Variants in C19orf47 observed in about 807,000 individuals in gnomAD.
C19orf47 encodes chromosome 19 open reading frame 47, also known as uncharacterized protein C19orf47.
A neutral mutation model predicts 32.3 loss-of-function variants in C19orf47; 18 were observed. The ratio of observed to expected loss-of-function variants is 0.56; its 90% CI spans 0.39 to 0.83. The LOEUF (loss-of-function observed/expected upper bound fraction) is 0.83, where lower values mean the gene tolerates loss of function less well. Ranked by LOEUF, C19orf47 falls within the 40% of genes least tolerant of loss-of-function variation. The probability of loss-of-function intolerance (pLI) is 0.00; values close to 1 mark genes in which losing one functional copy is unlikely to be tolerated. For synonymous variants in C19orf47, 202 were observed against 211.1 expected (o/e 0.96, Z 0.37); for missense variants, 484 against 531.6 (o/e 0.91, Z 0.88).
chr19:40,332,976 G>C (rs535008338), intron 5 of C19orf47, among the ~76,000 whole-genome samples: 1 of 152,048 alleles, frequency 6.6e-6, no homozygotes, highest in South Asian at 2.1e-4. Flanking sequence ...ATAGCCCCCT[G>C]GACGGGAGCA....
At chr19:40,295,267 G>A in the C19orf47 span, among the ~76,000 whole-genome samples, 3 of 152,112 alleles carry the variant, frequency 2.0e-5, no homozygotes, top group Non-Finnish European at 4.4e-5. Flanking sequence ...TGATCCGCCT[G>A]CCTCAGCCTC....
At chr19:40,341,953 CT>C in intron 1 of C19orf47, 63 bp from the exon 2 acceptor site, 1 of 1,535,344 alleles carries the variant, frequency 6.5e-7, no homozygotes, top group Non-Finnish European at 8.7e-7. Context: ...TGTCCCTCTC[CT>C]GTGCCTGTCT....
At chr19:40,330,235 T>C (rs1163182300) in intron 5 of C19orf47, among the ~76,000 whole-genome samples, 3 of 150,254 alleles carry the variant, frequency 2.0e-5, no homozygotes, top group Non-Finnish European at 4.5e-5. Flanking sequence ...TTCTTTTTTT[T>C]CTTTTTTTTT....
At chr19:40,308,291 G>GGTA in the C19orf47 span, among the ~76,000 whole-genome samples, 1 of 151,940 alleles carries the variant, frequency 6.6e-6, no homozygotes, top group Non-Finnish European at 1.5e-5. Context: ...GAGTAGCTGG[G>GGTA]ATTACAGGCG....
chr19:40,311,578 C>CACAAGG, the C19orf47 span, among the ~76,000 whole-genome samples: 4 of 151,912 alleles, frequency 2.6e-5, no homozygotes, highest in East Asian at 7.7e-4. Flanking sequence ...AAAAAATAAA[C>CACAAGG]ACAAGGAGCC....
At chr19:40,342,705 A>G (rs148894784) in intron 1 of C19orf47, among the ~76,000 whole-genome samples, 35 of 152,324 alleles carry the variant, frequency 2.3e-4, no homozygotes, top group African/African-American at 7.7e-4. Context: ...CTAAAGCAAC[A>G]TTTAGAGACC....
chr19:40,338,447 G>A (rs1392422737), intron 2 of C19orf47, among the ~76,000 whole-genome samples: 3 of 151,544 alleles, frequency 2.0e-5, no homozygotes, highest in Non-Finnish European at 2.9e-5. Flanking sequence ...GTGCAGTGGC[G>A]CAATCTCGGC....
intron 1 of C19orf47, among the ~76,000 whole-genome samples, chr19:40,342,641 G>A (rs1443393837): frequency 6.6e-6 from 1 of 152,210 alleles, no homozygotes. Context: ...GAGAAGACAT[G>A]GAGGACCTGG....
chr19:40,327,641 T>C (rs889993933), intron 6 of C19orf47, among the ~76,000 whole-genome samples: 10 of 152,098 alleles, frequency 6.6e-5, no homozygotes, highest in African/African-American at 2.2e-4. Flanking sequence ...CATGAGGTCA[T>C]TGCTGTGGGG....
chr19:40,341,621 G>A (rs529559344), intron 2 of C19orf47, among the ~76,000 whole-genome samples: 26 of 152,232 alleles, frequency 1.7e-4, no homozygotes, highest in Admixed American at 1.4e-3. Context: ...CATAACCCAC[G>A]TTCTTCACAG....
Position 40,324,015 on chromosome 19 carries a change from T to G in C19orf47, c.654A>C (p.Thr218=). The change falls in exon 8 of 9, where the codon ACA becomes ACC. Residue 218 remains threonine, a synonymous_variant. Coordinates refer to ENST00000683109, the MANE Select transcript of C19orf47 (RefSeq NM_001256441.2). Reference sequence around the variant, plus strand: ...CCCCATCCCCACTCACTTTACTCCCTGTCGTGGTGTCTGCCTTGGTCTCGG... The same window carrying G: ...CCCCATCCCCACTCACTTTACTCCCGGTCGTGGTGTCTGCCTTGGTCTCGG... ...LGAETKADTT[T]GSKPTGVFSR... is the part of the protein sequence containing the mutation. 1.2e-6 allele frequency: 2 copies of G among 1,614,214 alleles called. No individual in the cohort carries two copies. Among genetic ancestry groups the G allele is most frequent in the Non-Finnish European group, 1.7e-6 (2 of 1,180,020 alleles).
In C19orf47 at chr19:40,320,435, A is replaced by AG. The variant is rs1174117106; in HGVS notation, c.*1446dup. 4 of 151,888 alleles carry AG rather than the reference A, an allele frequency of 2.6e-5. No homozygotes were observed. 9.4% of individuals were successfully genotyped at this position (151,888 alleles called of 1,614,324 possible). The stretch of plus-strand genomic sequence containing the variant: ...GGGCCCACCCTCACCCACAGCCACC[A>AG]GCCTTCTTCCTGTTCCTTGTCCCAC... On this transcript the variant is annotated 3_prime_UTR_variant, in exon 9 of 9. Transcript: ENST00000683109.
At chr19:40,315,799 A>T (rs2077658371), downstream of C19orf47, among the ~76,000 whole-genome samples, 1 of 151,656 alleles carries the variant, frequency 6.6e-6, no homozygotes, top group Admixed American at 6.6e-5. Context: ...AAAAAATTTA[A>T]ATTAAAAAAT....
At chr19:40,323,971 C>T (rs543163328) in intron 8 of C19orf47, 35 bp downstream of exon 8, 7 of 1,612,792 alleles carry the variant, frequency 4.3e-6, no homozygotes, top group East Asian at 4.5e-5. Context: ...GACAACAGCT[C>T]GCACGCCCAG....
intron 4 of C19orf47, among the ~76,000 whole-genome samples, chr19:40,334,272 G>T (rs2078014493): frequency 6.6e-6 from 1 of 151,508 alleles, no homozygotes; most frequent in African/African-American, 2.4e-5. Flanking sequence ...AACACAGTGG[G>T]ACGCTTATCT....
At chr19:40,315,772 TC>T (rs1487410190), downstream of C19orf47, among the ~76,000 whole-genome samples, 2 of 143,612 alleles carry the variant, frequency 1.4e-5, no homozygotes, top group Non-Finnish European at 3.0e-5. Context: ...AGAGTGACAC[TC>T]CATCTCAAAA....
chr19:40,308,524 C>T, the C19orf47 span, among the ~76,000 whole-genome samples: 3 of 146,554 alleles, frequency 2.0e-5, no homozygotes, highest in Admixed American at 1.4e-4. Context: ...AGTGCAGTGG[C>T]GCAATCTTGG....
chr19:40,299,103 ATG>A, the C19orf47 span, among the ~76,000 whole-genome samples: 3 of 152,102 alleles, frequency 2.0e-5, no homozygotes, highest in Non-Finnish European at 1.5e-5. Context: ...TTAAAAAATT[ATG>A]TCTTATCAAA....
At chr19:40,303,358 C>T in the C19orf47 span, among the ~76,000 whole-genome samples, 3 of 149,816 alleles carry the variant, frequency 2.0e-5, no homozygotes, top group Admixed American at 1.3e-4. Flanking sequence ...CCCATCTCTA[C>T]TAAAAATACA....
Sources: gnomAD v4.1 joint callset for allele counts (sites outside exome capture counted in the v4.1 genomes callset) on GRCh38, gnomAD v4.1.1 for gene constraint, MANE v1.5 for transcripts, NCBI Gene and HGNC (gene_info 2026-07-23, HGNC 2026-07-21) for gene names.